The following ANKRD17 variants were observed in gnomAD, a reference collection of about 807,000 sequenced individuals.
ANKRD17 encodes the protein ankyrin repeat domain 17.
A neutral mutation model predicts 229.7 loss-of-function variants in ANKRD17; 19 were observed. The ratio of observed to expected loss-of-function variants is 0.08; its 90% confidence interval spans 0.06 to 0.12. ANKRD17 has a LOEUF of 0.12. ANKRD17 is among the 10% of genes least tolerant of loss of function. The pLI is 1.00. For synonymous variants in ANKRD17, 1,112 were observed against 1,146.1 expected (o/e 0.97, Z 0.60); for missense variants, 2,176 against 3,176.8 (o/e 0.68, Z 7.57).
intron 11 of ANKRD17, among the ~76,000 whole-genome samples, chr4:73,143,130 T>C (rs950741019): frequency 3.3e-5 from 5 of 152,230 alleles, no homozygotes; most frequent in Admixed American, 3.3e-4. Flanking sequence ...GTAGAAAAGA[T>C]GACTGAATAA....
chr4:73,155,841 G>A (rs572216796), intron 4 of ANKRD17, 63 bp from the exon 5 acceptor site: 23 of 1,568,654 alleles, frequency 1.5e-5, no homozygotes, highest in Admixed American at 5.2e-5. Flanking sequence ...TTTTGAACAC[G>A]TATTTATATA....
chr4:73,257,406 A>G (rs1447987755), intron 1 of ANKRD17, among the ~76,000 whole-genome samples: 2 of 152,172 alleles, frequency 1.3e-5, no homozygotes, highest in Non-Finnish European at 2.9e-5. Context: ...CACTAGGACA[A>G]ACCGAGAGGC....
Position 73,166,774 on chromosome 4 carries a change from G to A in ANKRD17, c.548-5426C>T, listed in dbSNP as rs112873599. On this transcript the variant is annotated intron_variant, in intron 2 of 33. Transcript: ENST00000358602. ...CAAATAAATAGAAAAAAAAAAAAGA[G>A]GAACTGTTATGATTAAACTTAAAAC... 1.9e-3 allele frequency among the ~76,000 whole-genome samples: 286 copies of A among 149,540 alleles called. 1 individual carries two copies. The highest frequency in any genetic ancestry group is 6.7e-3 in the African/African-American group (272 of 40,486).
chr4:73,111,648 T>C (rs1467252776), intron 24 of ANKRD17, among the ~76,000 whole-genome samples: 1 of 152,216 alleles, frequency 6.6e-6, no homozygotes, highest in East Asian at 1.9e-4. Flanking sequence ...ATATTATTTG[T>C]CGTGACAAAA....
At chr4:73,089,326 G>A (rs949365047) in intron 29 of ANKRD17, among the ~76,000 whole-genome samples, 5 of 151,756 alleles carry the variant, frequency 3.3e-5, no homozygotes, top group African/African-American at 1.2e-4. Context: ...ACAAGCCACC[G>A]TGCCAAGCCT....
chr4:73,196,540 T>G (rs1159210373), intron 1 of ANKRD17, among the ~76,000 whole-genome samples: 1 of 152,152 alleles, frequency 6.6e-6, no homozygotes, highest in East Asian at 1.9e-4. Flanking sequence ...ATATATACGT[T>G]TATATTTACA....
chr4:73,166,571 C>G (rs936060790), intron 2 of ANKRD17, among the ~76,000 whole-genome samples: 2 of 152,050 alleles, frequency 1.3e-5, no homozygotes, highest in African/African-American at 4.8e-5. Flanking sequence ...AAAAGAGAAG[C>G]AACCAGACAG....
chr4:73,209,373 G>A (rs759347268), intron 1 of ANKRD17, among the ~76,000 whole-genome samples: 1 of 152,006 alleles, frequency 6.6e-6, no homozygotes, highest in East Asian at 1.9e-4. Context: ...GGACTATTAC[G>A]AACAACTCTG....
chr4:73,157,968 A>G (rs1731893991), intron 3 of ANKRD17, among the ~76,000 whole-genome samples: 2 of 151,702 alleles, frequency 1.3e-5, no homozygotes, highest in Non-Finnish European at 2.9e-5. Context: ...AGCGTGGCCT[A>G]TAGTCCCAGC....
chr4:73,127,198 A>G (rs1263639608), intron 16 of ANKRD17, among the ~76,000 whole-genome samples: 2 of 152,080 alleles, frequency 1.3e-5, no homozygotes, highest in Non-Finnish European at 2.9e-5. Flanking sequence ...GGGATGAGGG[A>G]CTTCTGGTGC....
intron 2 of ANKRD17, among the ~76,000 whole-genome samples, chr4:73,162,528 G>A (rs896096085): frequency 6.6e-6 from 1 of 151,916 alleles, no homozygotes; most frequent in Admixed American, 6.6e-5. Context: ...TGTTTACTGG[G>A]CTATCATCTG....
At chr4:73,216,561 C>G (rs767149445) in intron 1 of ANKRD17, among the ~76,000 whole-genome samples, 6 of 152,142 alleles carry the variant, frequency 3.9e-5, no homozygotes, top group Non-Finnish European at 5.9e-5. Context: ...TAACTAAATG[C>G]TGTGCTAAAT....
Position 73,113,962 on chromosome 4 carries a change from G to A in ANKRD17, c.4285-54C>T, listed in dbSNP as rs1019484493. 66 of 1,301,222 alleles carry A rather than the reference G, an allele frequency of 5.1e-5. No individual in the cohort carries two copies. In the Middle Eastern group the frequency reaches 2.0e-3, roughly 40 times the overall value. The allele number at this position is 1,301,222 out of a possible 1,614,324, so 80.6% of individuals were successfully genotyped here. On this transcript the variant is annotated intron_variant, in intron 23 of 33. Coordinates refer to ENST00000358602, the MANE Select transcript of ANKRD17 (RefSeq NM_032217.5). ...GCTCACAGAACAATTCTCACTTAGAGAAATTCCTAAAAACACGAAGATCTT... is the reference window on the plus strand; with the variant it reads ...GCTCACAGAACAATTCTCACTTAGAAAAATTCCTAAAAACACGAAGATCTT...
intron 2 of ANKRD17, among the ~76,000 whole-genome samples, chr4:73,171,233 A>G (rs1385766255): frequency 2.3e-5 from 3 of 127,858 alleles, no homozygotes; most frequent in Non-Finnish European, 5.0e-5. Flanking sequence ...CTGAGACTCC[A>G]TTTGTTTGGG....
intron 2 of ANKRD17, among the ~76,000 whole-genome samples, chr4:73,171,189 GA>G (rs1284140147): frequency 3.4e-5 from 5 of 148,010 alleles, no homozygotes; most frequent in African/African-American, 1.2e-4. Flanking sequence ...GAGAGAGAGA[GA>G]GAGAGAGAGA....
In ANKRD17 at chr4:73,094,272, A is replaced by G. The variant is rs2110179426; in HGVS notation, c.5178-44T>C. 5 of 1,528,070 alleles carry G rather than the reference A, an allele frequency of 3.3e-6. No homozygotes were observed. In the Admixed American group the frequency reaches 7.0e-5, roughly 21 times the overall value. The allele number at this position is 1,528,070 out of a possible 1,614,324, so 94.7% of individuals were successfully genotyped here. On this transcript the variant is annotated intron_variant, in intron 27 of 33. Transcript: ENST00000358602. The stretch of plus-strand genomic sequence containing the variant: ...TATAAATTAAGATTAGTCATTAACA[A>G]TAGTTATTGTAATTTTTAAAAGAGG...
chr4:73,253,594 T>C (rs1483450905), intron 1 of ANKRD17, among the ~76,000 whole-genome samples: 1 of 152,208 alleles, frequency 6.6e-6, no homozygotes, highest in Non-Finnish European at 1.5e-5. Flanking sequence ...TGCTAGTAAA[T>C]GATGGATCAA....
At chr4:73,170,913 T>C (rs1321022307) in intron 2 of ANKRD17, among the ~76,000 whole-genome samples, 1 of 152,132 alleles carries the variant, frequency 6.6e-6, no homozygotes. Context: ...GGCTCCCAGA[T>C]GGCATCTATG....
At position 73,078,820 on chromosome 4, in the gene ANKRD17, C is replaced by A; in HGVS notation, c.7230G>T (p.Gly2410=). Residue 2410 remains glycine (G), a synonymous_variant, in exon 31 of 34, where the codon GGG becomes GGT. Coordinates refer to ENST00000358602, the MANE Select transcript of ANKRD17 (RefSeq NM_032217.5). ...GAGACACATTGCTGGGCTTTTCTGA[C>A]CCTAACGGTACTGATGATGGGGCAG... The part of the protein sequence containing the change: ...PSPAPSSVPL[G]SEKPSNVSQD... 1 of 1,614,126 alleles carries A rather than the reference C, an allele frequency of 6.2e-7. No individual in the cohort carries two copies. Among genetic ancestry groups the A allele is most frequent in the African/African-American group, 1.3e-5 (1 of 75,022 alleles).
Sources: allele counts gnomAD v4.1 joint callset (sites outside exome capture counted in the v4.1 genomes callset), GRCh38; gene constraint gnomAD v4.1.1; transcripts MANE v1.5; gene names NCBI Gene and HGNC (gene_info 2026-07-23, HGNC 2026-07-21).